Variants in FPGS observed in about 807,000 individuals in gnomAD.
FPGS encodes the protein folylpolyglutamate synthase, also known as folylpolyglutamate synthase, mitochondrial.
Under a neutral mutation model 66.5 loss-of-function variants are expected in FPGS, and 53 were observed. That is an observed-to-expected ratio of 0.80 (90% CI 0.64 to 1.00). FPGS has a LOEUF of 1.00. Ranked by LOEUF, FPGS falls within the 50% of genes least tolerant of loss-of-function variation. The pLI, the probability that FPGS is intolerant of heterozygous loss-of-function variation, is 0.00. For missense variants in FPGS, 702 were observed against 807.7 expected, an observed-to-expected ratio of 0.87 and a Z score of 1.59; for synonymous variants, 348 against 350.9, an observed-to-expected ratio of 0.99 and a Z score of 0.09.
chr9:127,807,662 G>A lies in FPGS; in HGVS notation c.718G>A (p.Ala240Thr), dbSNP rs751093805. ...SLLGDTVEKI[A>T]WQKGGIFKQG... is the part of the protein sequence containing the mutation. ...CCTGGGGGATACGGTGGAGAAGATC[G>A]CATGGCAGAAAGGGGGCATCTTTAA... Residue 240 changes from alanine (A) to threonine (T), a missense_variant, in exon 8 of 15, where the codon GCA becomes ACA. Physicochemically the swap from Ala to Thr is moderately conservative, Grantham distance 58. Transcript: ENST00000373247. The surrounding 1 kb of genome is among the most constrained non-coding windows in gnomAD (Gnocchi z 5.8). The A allele has an allele frequency of 1.9e-5, 31 of 1,593,648 alleles. No individual in the cohort carries two copies. Among genetic ancestry groups the A allele is most frequent in the Non-Finnish European group, 2.6e-5 (30 of 1,174,360 alleles).
In FPGS at chr9:127,813,677, G is replaced by A; in HGVS notation, c.*73G>A. On this transcript the variant is annotated 3_prime_UTR_variant, in exon 15 of 15. Transcript: ENST00000373247. The stretch of plus-strand genomic sequence containing the variant: ...CTCCCCATGAACTTACATACTAGGT[G>A]CCTTTTGTTTTTGGCTTTCCTGGTT... 2 of 1,453,532 alleles carry A rather than the reference G, an allele frequency of 1.4e-6. No homozygotes were observed. The highest frequency in any genetic ancestry group is 3.0e-5 in the South Asian group (2 of 65,784). 90.0% of individuals were successfully genotyped at this position (1,453,532 alleles called of 1,614,324 possible).
downstream of FPGS, chr9:127,814,248 C>CTGTT (rs1172037898): frequency 1.4e-6 from 1 of 702,924 alleles, no homozygotes; most frequent in East Asian, 1.3e-4. Context: ...AGACTGAAGC[C>CTGTT]TGTTCACCAT....
rs768545932 is a variant in FPGS, at chr9:127,807,602, G to C, written c.658G>C (p.Gly220Arg). ...TNIIRKPVVC[G>R]VSSLGIDHTS... ...CCCCTGCAGGAAGCCTGTGGTGTGC[G>C]GAGTCTCCTCTCTTGGCATCGACCA... Residue 220 changes from glycine to arginine, a missense_variant, in exon 8 of 15, where the codon GGA becomes CGA. Physicochemically the swap from Gly to Arg is moderately radical, Grantham distance 125. Around this residue, in one of 3 missense-constraint regions of FPGS, gnomAD observed 240 missense variants for 348.6 expected, o/e 0.69. Coordinates refer to ENST00000373247, the MANE Select transcript of FPGS (RefSeq NM_004957.6). The surrounding 1 kb of genome is among the most constrained non-coding windows in gnomAD (Gnocchi z 5.8). 1 of 1,612,856 alleles carries C rather than the reference G, an allele frequency of 6.2e-7. No individual in the cohort carries two copies.
At chr9:127,806,335 G>C (rs1455326408) in intron 4 of FPGS, among the ~76,000 whole-genome samples, 2 of 151,974 alleles carry the variant, frequency 1.3e-5, no homozygotes, top group Admixed American at 6.6e-5. Flanking sequence ...GCGTAACCCT[G>C]TCTCTACTAA....
Position 127,813,541 on chromosome 9 carries a change from C to A in FPGS, c.1701C>A (p.Val567=). Residue 567 remains valine (V), a synonymous_variant, in exon 15 of 15, where the codon GTC becomes GTA. Coordinates refer to ENST00000373247, the MANE Select transcript of FPGS (RefSeq NM_004957.6). The part of the protein sequence containing the change: ...LREAAAIHVL[V]TGSLHLVGGV... ...AGGCTGCTGCCATCCATGTGCTAGT[C>A]ACTGGCAGCCTGCACCTGGTGGGTG... is the stretch of plus-strand genomic sequence containing the variant. 1 of 1,601,950 alleles carries A rather than the reference C, an allele frequency of 6.2e-7. No individual in the cohort carries two copies. The highest frequency in any genetic ancestry group is 8.5e-7 in the Non-Finnish European group (1 of 1,173,318).
chr9:127,813,875 C>A lies in FPGS; in HGVS notation c.*271C>A. On this transcript the variant is annotated 3_prime_UTR_variant, in exon 15 of 15. Transcript: ENST00000373247. ...CCGTTCAGCCTGTCTCCCCCAACACCCCGCCTGCCTCCTGGCTCAGGCCCA... is the reference window on the plus strand; with the variant it reads ...CCGTTCAGCCTGTCTCCCCCAACACACCGCCTGCCTCCTGGCTCAGGCCCA... 8.3e-7 allele frequency: 1 copy of A among 1,210,416 alleles called. No individual in the cohort carries two copies. Among genetic ancestry groups the A allele is most frequent in the South Asian group, 3.8e-5 (1 of 26,406 alleles). 75.0% of individuals were successfully genotyped at this position (1,210,416 alleles called of 1,614,324 possible). A position where few individuals can be genotyped will look rare whatever the true frequency, so the allele number is the denominator to read the frequency against.
chr9:127,813,821 C>T lies in FPGS; in HGVS notation c.*217C>T, dbSNP rs1000900482. ...TTGGCTGAGATAGCAGAGGGGCTCC[C>T]CGGGTCTCTCACTGTTGCAGTGGCC... is the stretch of plus-strand genomic sequence containing the variant. On this transcript the variant is annotated 3_prime_UTR_variant, in exon 15 of 15. Coordinates refer to ENST00000373247, the MANE Select transcript of FPGS (RefSeq NM_004957.6). 1.3e-5 allele frequency: 16 copies of T among 1,263,562 alleles called. No individual in the cohort carries two copies. The Admixed American group carries it at 2.9e-4, about 23-fold the overall frequency. 78.3% of individuals were successfully genotyped at this position (1,263,562 alleles called of 1,614,324 possible).
Position 127,813,638 on chromosome 9 carries a change from C to T in FPGS, c.*34C>T, listed in dbSNP as rs1468541001. The T allele has an allele frequency of 6.7e-7, 1 of 1,499,944 alleles. No homozygotes were observed. The highest frequency in any genetic ancestry group is 8.9e-7 in the Non-Finnish European group (1 of 1,124,430). The allele number at this position is 1,499,944 out of a possible 1,614,324, so 92.9% of individuals were successfully genotyped here. On this transcript the variant is annotated 3_prime_UTR_variant, in exon 15 of 15. Transcript: ENST00000373247. Reference sequence around the variant, plus strand: ...CGGGGTTGGAGGTGGGAGCTTCCCACACCTGCCTGCGTTCTCCCCATGAAC... The same window carrying T: ...CGGGGTTGGAGGTGGGAGCTTCCCATACCTGCCTGCGTTCTCCCCATGAAC...
At position 127,807,533 on chromosome 9, in the gene FPGS, C is replaced by T. The variant is rs116157801; in HGVS notation, c.641+51C>T. 7,874 of 1,612,338 alleles carry T rather than the reference C, an allele frequency of 4.9e-3. 345 individuals carry two copies. The African/African-American group carries it at 0.093, about 19-fold the overall frequency. On this transcript the variant is annotated intron_variant, in intron 7 of 14. Transcript: ENST00000373247. The surrounding 1 kb of genome is among the most constrained non-coding windows in gnomAD (Gnocchi z 5.8). ...GGTGGCAGCCAGGAGCACAGCCTCA[C>T]CTGCCGCCTGGTGGCTCAGGGCAGG... is the stretch of plus-strand genomic sequence containing the variant.
At position 127,809,827 on chromosome 9, in the gene FPGS, C is replaced by T; in HGVS notation, c.1204C>T (p.Pro402Ser). ...CCAGGCGCTGCAGGGCCGCGAGAGG[C>T]CGAGCGGGTGAGGGGCAGGGCTGGG... is the stretch of plus-strand genomic sequence containing the variant. Reference protein sequence around the residue: ...FRQALQGRERPSGGPEVRVLL... With the variant: ...FRQALQGRERSSGGPEVRVLL... The change falls in exon 12 of 15, where the codon CCG (proline) becomes TCG (serine). Residue 402 changes from proline (P) to serine (S), a missense_variant. Pro to Ser is a moderately conservative substitution (Grantham distance 74, BLOSUM62 -1). Coordinates refer to ENST00000373247, the MANE Select transcript of FPGS (RefSeq NM_004957.6). 3 of 1,438,334 alleles carry T rather than the reference C, an allele frequency of 2.1e-6. No homozygotes were observed. Among genetic ancestry groups the T allele is most frequent in the South Asian group, 2.8e-5 (2 of 70,294 alleles). The allele number at this position is 1,438,334 out of a possible 1,614,324, so 89.1% of individuals were successfully genotyped here. A position where few individuals can be genotyped will look rare whatever the true frequency, so the allele number is the denominator to read the frequency against.
Position 127,810,995 on chromosome 9 carries a change from A to G in FPGS, c.1338A>G (p.Ser446=), listed in dbSNP as rs1396991898. The change falls in exon 14 of 15, where the codon TCA becomes TCG. Residue 446 remains serine, a synonymous_variant. Transcript: ENST00000373247. The part of the protein sequence containing the change: ...AVFCPNLTEV[S]STGNADQQNF... Reference sequence around the variant, plus strand: ...TCTGCCCTAACCTGACAGAGGTGTCATCCACAGGCAACGCAGGTGAGAGGT... The same window carrying G: ...TCTGCCCTAACCTGACAGAGGTGTCGTCCACAGGCAACGCAGGTGAGAGGT... 4 of 1,591,464 alleles carry G rather than the reference A, an allele frequency of 2.5e-6. No homozygotes were observed. In the South Asian group the frequency reaches 4.6e-5, roughly 18 times the overall value.
chr9:127,804,360 C>A lies in FPGS; in HGVS notation c.214C>A (p.Pro72Thr). Residue 72 changes from proline to threonine, a missense_variant, in exon 2 of 15, where the codon CCT becomes ACT. By Grantham distance (38) the Pro-to-Thr change is conservative. Around this residue, in one of 3 missense-constraint regions of FPGS, gnomAD observed 240 missense variants for 348.6 expected, o/e 0.69. Coordinates refer to ENST00000373247, the MANE Select transcript of FPGS (RefSeq NM_004957.6). ...LEQVKRQRGD[P>T]QTQLEAMELY... Reference sequence around the variant, plus strand: ...GCAGGTGAAGCGCCAGCGGGGTGACCCTCAGACACAGTTGGAAGCCATGGA... The same window carrying A: ...GCAGGTGAAGCGCCAGCGGGGTGACACTCAGACACAGTTGGAAGCCATGGA... 1 of 1,614,176 alleles carries A rather than the reference C, an allele frequency of 6.2e-7. No homozygotes were observed. Among genetic ancestry groups the A allele is most frequent in the Non-Finnish European group, 8.5e-7 (1 of 1,180,022 alleles).
chr9:127,812,880 A>T (rs910170282), intron 14 of FPGS, among the ~76,000 whole-genome samples: 1 of 152,180 alleles, frequency 6.6e-6, no homozygotes, highest in African/African-American at 2.4e-5. Flanking sequence ...TCACCTGGTG[A>T]TGGTCCCCAG....
rs765952881 is a variant in FPGS, at chr9:127,813,217, A to G, written c.1377A>G (p.Thr459=). 6.3e-6 allele frequency: 10 copies of G among 1,594,304 alleles called. No homozygotes were observed. The East Asian group carries it at 1.1e-4, about 18-fold the overall frequency. ...CAGACCAACAGAACTTCACAGTGACACTGGACCAGGTCCTGCTCCGCTGCC... is the reference window on the plus strand; with the variant it reads ...CAGACCAACAGAACTTCACAGTGACGCTGGACCAGGTCCTGCTCCGCTGCC... The part of the protein sequence containing the change: ...GNADQQNFTV[T]LDQVLLRCLE... Residue 459 remains threonine, a synonymous_variant, in exon 15 of 15, where the codon ACA becomes ACG. Transcript: ENST00000373247.
At position 127,804,788 on chromosome 9, in the gene FPGS, C is replaced by A. The variant is rs560085760; in HGVS notation, c.386+88C>A. 5.4e-6 allele frequency: 7 copies of A among 1,291,444 alleles called. No individual in the cohort carries two copies. The East Asian group carries it at 1.2e-4, about 21-fold the overall frequency. 80.0% of individuals were successfully genotyped at this position (1,291,444 alleles called of 1,614,324 possible). A position where few individuals can be genotyped will look rare whatever the true frequency, so the allele number is the denominator to read the frequency against. On this transcript the variant is annotated intron_variant, in intron 4 of 14. Transcript: ENST00000373247. ...AGCCAGTGCTTCAGGACCAGGGTCA[C>A]CCCCAGGAGGTCAGCTGCATGTCTC...
chr9:127,813,479 C>G lies in FPGS; in HGVS notation c.1639C>G (p.His547Asp). 6.2e-7 allele frequency: 1 copy of G among 1,613,166 alleles called. No individual in the cohort carries two copies. Among genetic ancestry groups the G allele is most frequent in the South Asian group, 1.1e-5 (1 of 90,960 alleles). The change falls in exon 15 of 15, where the codon CAC (histidine) becomes GAC (aspartate). Residue 547 changes from histidine to aspartate, a missense_variant. Physicochemically the swap from His to Asp is moderately conservative, Grantham distance 81. Transcript: ENST00000373247. ...TAGTCCCCCAAAGGGCCTCCTCACC[C>G]ACCCTGTGGCTCACAGTGGGGCCAG... The part of the protein sequence containing the change: ...PPSPPKGLLT[H>D]PVAHSGASIL...
At chr9:127,812,325 T>G (rs1369917533) in intron 14 of FPGS, among the ~76,000 whole-genome samples, 2 of 149,472 alleles carry the variant, frequency 1.3e-5, no homozygotes, top group Non-Finnish European at 3.0e-5. Flanking sequence ...AATCTGCATT[T>G]TTTTTTTTTT....
In FPGS at chr9:127,813,381, C is replaced by G; in HGVS notation, c.1541C>G (p.Ser514Cys). 1 of 1,611,254 alleles carries G rather than the reference C, an allele frequency of 6.2e-7. No homozygotes were observed. The highest frequency in any genetic ancestry group is 8.5e-7 in the Non-Finnish European group (1 of 1,178,414). ...PHPPHTCSAS[S>C]LVFSCISHAL... The stretch of plus-strand genomic sequence containing the variant: ...CCACCCCACACCTGCAGTGCCAGCT[C>G]CCTCGTCTTCAGCTGCATTTCACAT... The change falls in exon 15 of 15, where the codon TCC (serine) becomes TGC (cysteine). Residue 514 changes from serine to cysteine, a missense_variant. By Grantham distance (112) the Ser-to-Cys change is moderately radical. Transcript: ENST00000373247.
At position 127,807,447 on chromosome 9, in the gene FPGS, C is replaced by T. The variant is rs780663200; in HGVS notation, c.606C>T (p.Gly202=). 2 of 1,614,068 alleles carry T rather than the reference C, an allele frequency of 1.2e-6. No homozygotes were observed. The highest frequency in any genetic ancestry group is 1.7e-6 in the Non-Finnish European group (2 of 1,179,976). Residue 202 remains glycine (G), a synonymous_variant, in exon 7 of 15, where the codon GGC becomes GGT. Transcript: ENST00000373247. This position sits in a 1 kb window ranked among gnomAD's most constrained non-coding sequence, Gnocchi z 5.8. ...TGGACCTGGCAGTGGTGGAGGTGGG[C>T]ATTGGCGGGGCTTATGACTGCACCA... ...EKVDLAVVEV[G]IGGAYDCTNI...
Sources: allele counts gnomAD v4.1 joint callset (sites outside exome capture counted in the v4.1 genomes callset), GRCh38; gene constraint gnomAD v4.1.1; regional missense constraint gnomAD v4.1.1; non-coding constraint Gnocchi (gnomAD v3.1); transcripts MANE v1.5; gene names NCBI Gene and HGNC (gene_info 2026-07-23, HGNC 2026-07-21).